TVP23A: variants seen among roughly 807,000 people sequenced by gnomAD.
TVP23A encodes the protein trans-golgi network vesicle protein 23 homolog A.
A neutral mutation model predicts 31.7 loss-of-function variants in TVP23A; 21 were observed. The ratio of observed to expected loss-of-function variants is 0.66; its 90% CI spans 0.47 to 0.95. The LOEUF is 0.95. Among genes scored for constraint, TVP23A ranks in the 40% least tolerant of loss-of-function variants. The probability of loss-of-function intolerance (pLI) is 0.00; values close to 1 mark genes in which losing one functional copy is unlikely to be tolerated. For synonymous variants in TVP23A, 104 were observed against 96.0 expected (o/e 1.08, Z -0.49); for missense variants, 279 against 255.6 (o/e 1.09, Z -0.62).
At chr16:10,774,164 C>A in intron 3 of TVP23A, 36 bp from the exon 4 acceptor site, 1 of 1,521,700 alleles carries the variant, frequency 6.6e-7, no homozygotes, top group Non-Finnish European at 9.0e-7. Flanking sequence ...GAGCAGGTCA[C>A]AGGCAAAGAG....
chr16:10,771,704 G>A lies in TVP23A; in HGVS notation c.548C>T (p.Thr183Ile). 1 of 1,613,710 alleles carries A rather than the reference G, an allele frequency of 6.2e-7. No individual in the cohort carries two copies. The highest frequency in any genetic ancestry group is 1.1e-5 in the South Asian group (1 of 90,900). ...MGGNSDIGKV[T>I]ASFLSQTVFQ... ...CACTGTCTGGGACAGGAAACTGGCT[G>A]TGACCTTGCCAATGTCACTGTTGCC... The change falls in exon 6 of 8, where the codon ACA becomes ATA. Residue 183 changes from threonine (T) to isoleucine (I), a missense_variant. Physicochemically the swap from Thr to Ile is moderately conservative, Grantham distance 89. Coordinates refer to ENST00000299866, the MANE Select transcript of TVP23A (RefSeq NM_001079512.4).
At chr16:10,763,000 G>C (rs2030238116), downstream of TVP23A, among the ~76,000 whole-genome samples, 1 of 152,132 alleles carries the variant, frequency 6.6e-6, no homozygotes, top group African/African-American at 2.4e-5. Context: ...ATGAGGCCCT[G>C]GGTTCTGGCG....
intron 2 of TVP23A, among the ~76,000 whole-genome samples, chr16:10,799,956 C>G (rs190701045): frequency 1.9e-4 from 29 of 149,374 alleles, no homozygotes; most frequent in African/African-American, 7.2e-4. Context: ...ACAGAGATTG[C>G]AGAAGTTATG....
At chr16:10,796,276 G>A (rs2033383311) in intron 2 of TVP23A, among the ~76,000 whole-genome samples, 1 of 152,046 alleles carries the variant, frequency 6.6e-6, no homozygotes, top group Admixed American at 6.5e-5. Context: ...GGAGTTCAAG[G>A]CTGCAGTGAG....
At chr16:10,776,329 C>T (rs139837887) in intron 2 of TVP23A, among the ~76,000 whole-genome samples, 4,101 of 152,072 alleles carry the variant, frequency 0.027, 79 homozygotes, top group Non-Finnish European at 0.04. Context: ...GAGCCAAGAT[C>T]ACGCCACTGC....
At chr16:10,761,724 TTA>T (rs757099185), downstream of TVP23A, 57 of 1,556,616 alleles carry the variant, frequency 3.7e-5, no homozygotes, top group Middle Eastern at 1.7e-4. Flanking sequence ...TGCAAAAAAA[TTA>T]TGTTTCCTCC....
At chr16:10,810,556 AAAAAAG>A (rs564025846) in intron 2 of TVP23A, among the ~76,000 whole-genome samples, 3,213 of 151,262 alleles carry the variant, frequency 0.021, 96 homozygotes, top group African/African-American at 0.073. Context: ...CAAAAAAAAA[AAAAAAG>A]AAAAGAAAAG....
At position 10,766,749 on chromosome 16, in the gene TVP23A, T is replaced by C. The variant is rs573492417; in HGVS notation, c.*2353A>G. The C allele has an allele frequency of 1.5e-5, 6 of 395,216 alleles. No homozygotes were observed. The highest frequency in any genetic ancestry group is 1.8e-5 in the Non-Finnish European group (4 of 224,506). The allele number at this position is 395,216 out of a possible 1,614,324, so 24.5% of individuals were successfully genotyped here. On this transcript the variant is annotated 3_prime_UTR_variant, in exon 8 of 8. Coordinates refer to ENST00000299866, the MANE Select transcript of TVP23A (RefSeq NM_001079512.4). The surrounding 1 kb of genome is among the most constrained non-coding windows in gnomAD (Gnocchi z 4.8). ...TGTGGGAGGAGAACGGGCCTGAGAA[T>C]AGGGGCTCAAAGGCCCCATTACAGA...
chr16:10,768,159 G>A lies in TVP23A; in HGVS notation c.*943C>T, dbSNP rs1000986273. 4.0e-5 allele frequency: 30 copies of A among 743,268 alleles called. No individual in the cohort carries two copies. The Admixed American group carries it at 4.1e-4, about 10-fold the overall frequency. The allele number at this position is 743,268 out of a possible 1,614,324, so 46.0% of individuals were successfully genotyped here. A position where few individuals can be genotyped will look rare whatever the true frequency, so the allele number is the denominator to read the frequency against. On this transcript the variant is annotated 3_prime_UTR_variant, in exon 8 of 8. Transcript: ENST00000299866. This position sits in a 1 kb window ranked among gnomAD's most constrained non-coding sequence, Gnocchi z 4.3. Reference sequence around the variant, plus strand: ...TGACCACAGAGTGGCCCCCATAGCCGAGGAAGCCAGGAGTCCATGAGAAAT... The same window carrying A: ...TGACCACAGAGTGGCCCCCATAGCCAAGGAAGCCAGGAGTCCATGAGAAAT...
intron 2 of TVP23A, among the ~76,000 whole-genome samples, chr16:10,796,076 G>A (rs1195291191): frequency 6.6e-6 from 1 of 152,142 alleles, no homozygotes; most frequent in Non-Finnish European, 1.5e-5. Flanking sequence ...GGCTGGGCAC[G>A]GTGGCTCATG....
At chr16:10,772,009 C>T (rs1006557006) in intron 5 of TVP23A, among the ~76,000 whole-genome samples, 1 of 147,434 alleles carries the variant, frequency 6.8e-6, no homozygotes, top group Admixed American at 6.7e-5. Context: ...TTAGTAGAGA[C>T]ACTGTTTCAC....
At chr16:10,780,895 T>G (rs892170494) in intron 2 of TVP23A, among the ~76,000 whole-genome samples, 4 of 152,092 alleles carry the variant, frequency 2.6e-5, no homozygotes, top group African/African-American at 7.2e-5. Context: ...CTGAGGGGAC[T>G]ACCTTTTGTC....
chr16:10,770,733 T>TTACA (rs2031534909), intron 6 of TVP23A, among the ~76,000 whole-genome samples: 1 of 151,638 alleles, frequency 6.6e-6, no homozygotes, highest in Non-Finnish European at 1.5e-5. Context: ...TAGCCAGGCA[T>TTACA]GGTGTTATGC....
At position 10,767,320 on chromosome 16, in the gene TVP23A, G is replaced by GA. The variant is rs1036204246; in HGVS notation, c.*1781dup. ...AGAAACCTGGGTGTGCATAGGAGGGGACTGGAACAATGGCCACATGGCGGG... is the reference window on the plus strand; with the variant it reads ...AGAAACCTGGGTGTGCATAGGAGGGGAACTGGAACAATGGCCACATGGCGGG... On this transcript the variant is annotated 3_prime_UTR_variant, in exon 8 of 8. Coordinates refer to ENST00000299866, the MANE Select transcript of TVP23A (RefSeq NM_001079512.4). The surrounding 1 kb of genome is among the most constrained non-coding windows in gnomAD (Gnocchi z 4.6). 1 of 399,682 alleles carries GA rather than the reference G, an allele frequency of 2.5e-6. No homozygotes were observed. 24.8% of individuals were successfully genotyped at this position (399,682 alleles called of 1,614,324 possible).
At chr16:10,795,836 C>T (rs891685540) in intron 2 of TVP23A, among the ~76,000 whole-genome samples, 3 of 152,040 alleles carry the variant, frequency 2.0e-5, no homozygotes, top group East Asian at 1.9e-4. Flanking sequence ...CCTGAGAGAC[C>T]GCCAGGCGCT....
At chr16:10,814,085 C>A (rs1395669520) in intron 2 of TVP23A, among the ~76,000 whole-genome samples, 4 of 151,000 alleles carry the variant, frequency 2.6e-5, no homozygotes, top group Admixed American at 6.6e-5. Context: ...GATTTTAGAG[C>A]CATCTCTACA....
At chr16:10,763,293 T>C (rs949612311), downstream of TVP23A, among the ~76,000 whole-genome samples, 2 of 150,700 alleles carry the variant, frequency 1.3e-5, no homozygotes, top group Non-Finnish European at 3.0e-5. Flanking sequence ...CAAGGGGCCG[T>C]GCAGAAAGCG....
chr16:10,805,748 C>G (rs752653441), intron 2 of TVP23A, among the ~76,000 whole-genome samples: 5 of 151,666 alleles, frequency 3.3e-5, no homozygotes, highest in Non-Finnish European at 7.4e-5. Flanking sequence ...AGTAAAATGT[C>G]AGCTCCAGGA....
chr16:10,790,358 C>T (rs895353029), intron 2 of TVP23A, among the ~76,000 whole-genome samples: 1 of 144,276 alleles, frequency 6.9e-6, no homozygotes, highest in Admixed American at 7.3e-5. Context: ...GATCTCGGCT[C>T]ACTACAACCT....
Sources: allele counts gnomAD v4.1 joint callset (sites outside exome capture counted in the v4.1 genomes callset), GRCh38; gene constraint gnomAD v4.1.1; non-coding constraint Gnocchi (gnomAD v3.1); transcripts MANE v1.5; gene names NCBI Gene and HGNC (gene_info 2026-07-23, HGNC 2026-07-21).